The following BBS9 variants were observed in gnomAD, a reference collection of about 807,000 sequenced individuals.
The protein encoded by BBS9 is Bardet-Biedl syndrome 9.
A neutral mutation model predicts 117.7 loss-of-function variants in BBS9; 89 were observed. That is an observed-to-expected ratio of 0.76 (90% CI 0.64 to 0.90). The LOEUF is 0.90. Ranked by LOEUF, BBS9 falls within the 40% of genes least tolerant of loss-of-function variation. The pLI, the probability that BBS9 is intolerant of heterozygous loss-of-function variation, is 0.00. For synonymous variants in BBS9, 379 were observed against 370.9 expected (o/e 1.02, Z -0.25); for missense variants, 982 against 1,042.2 (o/e 0.94, Z 0.80).
intron 5 of BBS9, among the ~76,000 whole-genome samples, chr7:33,249,104 AAGAC>A (rs1795824528): frequency 6.6e-6 from 1 of 152,090 alleles, no homozygotes; most frequent in Admixed American, 6.6e-5. Flanking sequence ...CAGGAAGAGA[AAGAC>A]AGAGAAATGG....
At chr7:33,555,828 A>C (rs1416789691) in intron 21 of BBS9, among the ~76,000 whole-genome samples, 1 of 152,156 alleles carries the variant, frequency 6.6e-6, no homozygotes, top group Non-Finnish European at 1.5e-5. Flanking sequence ...CCTTCCCTGA[A>C]TATTCTACCC....
chr7:33,429,013 G>A (rs1279193205), intron 19 of BBS9, among the ~76,000 whole-genome samples: 1 of 152,134 alleles, frequency 6.6e-6, no homozygotes, highest in African/African-American at 2.4e-5. Flanking sequence ...ACACTTATAA[G>A]CATGTTAAAG....
chr7:33,343,197 C>CG (rs1816873948), intron 11 of BBS9, among the ~76,000 whole-genome samples: 2 of 152,104 alleles, frequency 1.3e-5, no homozygotes. Flanking sequence ...GGATCATATT[C>CG]ATTGGTTGGA....
intron 19 of BBS9, among the ~76,000 whole-genome samples, chr7:33,498,031 G>A (rs1252853883): frequency 1.3e-5 from 2 of 152,162 alleles, no homozygotes; most frequent in African/African-American, 4.8e-5. Flanking sequence ...ATGAACAGCA[G>A]GGATGTTCAC....
chr7:33,183,418 T>A lies in BBS9; in HGVS notation c.442+5827T>A, dbSNP rs1254603162. Among the ~76,000 whole-genome samples, 3 of 152,328 alleles carry A rather than the reference T, an allele frequency of 2.0e-5. No homozygotes were observed. The East Asian group carries it at 5.8e-4, about 29-fold the overall frequency. ...AGGCCTTTAAAATGTACGTATAACT[T>A]GGATATCTGCTTTTAAGTAAGCTGA... On this transcript the variant is annotated intron_variant, in intron 5 of 22. Coordinates refer to ENST00000242067, the MANE Select transcript of BBS9 (RefSeq NM_198428.3).
chr7:33,261,674 A>C (rs1465703885), intron 6 of BBS9, among the ~76,000 whole-genome samples: 1 of 152,198 alleles, frequency 6.6e-6, no homozygotes, highest in Non-Finnish European at 1.5e-5. Flanking sequence ...TATTTTAGTT[A>C]CCTGCTACTG....
At chr7:33,567,299 A>G (rs1857067269) in intron 21 of BBS9, among the ~76,000 whole-genome samples, 1 of 152,220 alleles carries the variant, frequency 6.6e-6, no homozygotes, top group African/African-American at 2.4e-5. Flanking sequence ...TTAAATGTGC[A>G]TATTCCATAT....
chr7:33,455,871 G>A (rs77770726), intron 19 of BBS9, among the ~76,000 whole-genome samples: 26,354 of 152,096 alleles, frequency 0.17, 2,516 homozygotes, highest in South Asian at 0.21. Flanking sequence ...ATATTGTTAC[G>A]ATATTAAAAA....
chr7:33,487,898 A>ACT (rs1248013723), intron 19 of BBS9, among the ~76,000 whole-genome samples: 1 of 152,198 alleles, frequency 6.6e-6, no homozygotes, highest in African/African-American at 2.4e-5. Flanking sequence ...TTGATAGCCC[A>ACT]CTATCATAGC....
At chr7:33,300,289 C>T (rs1325926995) in intron 9 of BBS9, among the ~76,000 whole-genome samples, 1 of 152,050 alleles carries the variant, frequency 6.6e-6, no homozygotes, top group Non-Finnish European at 1.5e-5. Context: ...CAACTGGAAG[C>T]CAGAGGGAAA....
At chr7:33,236,325 C>CAA (rs11382813) in intron 5 of BBS9, among the ~76,000 whole-genome samples, 17,919 of 122,384 alleles carry the variant, frequency 0.15, 1,657 homozygotes, top group South Asian at 0.22. Context: ...TACTCCATCT[C>CAA]AAAAAAAAAA....
chr7:33,232,244 A>C (rs997446392), intron 5 of BBS9, among the ~76,000 whole-genome samples: 1 of 152,144 alleles, frequency 6.6e-6, no homozygotes, highest in African/African-American at 2.4e-5. Context: ...CAGATGTTTT[A>C]ATTCTTGCTC....
At chr7:33,350,989 C>T (rs895585184) in intron 13 of BBS9, among the ~76,000 whole-genome samples, 7 of 152,038 alleles carry the variant, frequency 4.6e-5, no homozygotes, top group African/African-American at 7.3e-5. Flanking sequence ...CCACTGTGCC[C>T]GGTCTTAGGC....
At chr7:33,311,500 C>T (rs906188521) in intron 9 of BBS9, among the ~76,000 whole-genome samples, 1 of 152,186 alleles carries the variant, frequency 6.6e-6, no homozygotes, top group Non-Finnish European at 1.5e-5. Flanking sequence ...ATCTCTCACT[C>T]TGTATATTCT....
intron 21 of BBS9, among the ~76,000 whole-genome samples, chr7:33,578,683 G>T (rs951679891): frequency 2.6e-5 from 4 of 152,076 alleles, no homozygotes. Context: ...CAAAAACCAA[G>T]GTTTCAGGTA....
intron 9 of BBS9, among the ~76,000 whole-genome samples, chr7:33,329,754 C>T (rs1453768990): frequency 1.3e-5 from 2 of 152,144 alleles, no homozygotes; most frequent in African/African-American, 2.4e-5. Context: ...GAGTATGTCT[C>T]CGTGTACCTT....
intron 9 of BBS9, among the ~76,000 whole-genome samples, chr7:33,320,269 T>C (rs575805755): frequency 6.6e-6 from 1 of 152,134 alleles, no homozygotes; most frequent in Non-Finnish European, 1.5e-5. Flanking sequence ...TGGTAATCAT[T>C]GTTCTACTCT....
At chr7:33,410,854 C>G in intron 19 of BBS9, among the ~76,000 whole-genome samples, 1 of 143,220 alleles carries the variant, frequency 7.0e-6, no homozygotes, top group Non-Finnish European at 1.5e-5. Context: ...TTGTGTTTCT[C>G]TTCTAGATGC....
chr7:33,461,174 G>A (rs1290009046), intron 19 of BBS9, among the ~76,000 whole-genome samples: 1 of 151,758 alleles, frequency 6.6e-6, no homozygotes, highest in Non-Finnish European at 1.5e-5. Flanking sequence ...TTTGGTTATT[G>A]TGAATAGAGC....
Sources: gnomAD v4.1 joint callset for allele counts (sites outside exome capture counted in the v4.1 genomes callset) on GRCh38, gnomAD v4.1.1 for gene constraint, MANE v1.5 for transcripts, NCBI Gene and HGNC (gene_info 2026-07-23, HGNC 2026-07-21) for gene names.